Variants in SPMIP2 observed in about 807,000 individuals in gnomAD.
SPMIP2 encodes protein SPMIP2.
chr4:158,954,181 A>G, the SPMIP2 span, among the ~76,000 whole-genome samples: 2 of 152,246 alleles, frequency 1.3e-5, no homozygotes, highest in East Asian at 3.9e-4. Context: ...GTACTCCCAT[A>G]ATTCCCATGT....
At chr4:158,985,871 A>G in the SPMIP2 span, among the ~76,000 whole-genome samples, 1 of 152,048 alleles carries the variant, frequency 6.6e-6, no homozygotes. Context: ...ACTTGATTGT[A>G]TATCTAGAAA....
chr4:159,014,816 T>TAA, the SPMIP2 span, among the ~76,000 whole-genome samples: 2 of 144,522 alleles, frequency 1.4e-5, no homozygotes, highest in African/African-American at 5.1e-5. Context: ...GCTGACGAGC[T>TAA]AAAAAAAAAA....
chr4:159,042,006 A>G, the SPMIP2 span, among the ~76,000 whole-genome samples: 814 of 152,320 alleles, frequency 5.3e-3, 4 homozygotes, highest in African/African-American at 0.018. Flanking sequence ...TCTAAATTTG[A>G]TCTTCAACAA....
the SPMIP2 span, among the ~76,000 whole-genome samples, chr4:159,011,101 C>T: frequency 6.6e-5 from 10 of 152,194 alleles, no homozygotes; most frequent in African/African-American, 2.2e-4. Context: ...TACCTCAAAG[C>T]TTGAAACTAG....
chr4:158,943,932 C>T, the SPMIP2 span, among the ~76,000 whole-genome samples: 24 of 141,538 alleles, frequency 1.7e-4, no homozygotes, highest in African/African-American at 5.0e-4. Flanking sequence ...CTCGGCTCAC[C>T]GCAACCTCCA....
At chr4:159,056,747 G>A in the SPMIP2 span, among the ~76,000 whole-genome samples, 1 of 152,172 alleles carries the variant, frequency 6.6e-6, no homozygotes. Context: ...AAAATAGAAT[G>A]AGCAGAGGTA....
At chr4:159,000,600 T>C in the SPMIP2 span, among the ~76,000 whole-genome samples, 2 of 151,722 alleles carry the variant, frequency 1.3e-5, no homozygotes, top group South Asian at 4.2e-4. Context: ...ATTCAAGTAT[T>C]CTCCTGCCTC....
chr4:159,066,520 ATATG>A, the SPMIP2 span, among the ~76,000 whole-genome samples: 3 of 151,594 alleles, frequency 2.0e-5, no homozygotes, highest in South Asian at 2.1e-4. Flanking sequence ...GTGTGTGTAT[ATATG>A]TATGTATGTA....
the SPMIP2 span, among the ~76,000 whole-genome samples, chr4:159,014,517 T>A: frequency 6.6e-6 from 1 of 152,184 alleles, no homozygotes; most frequent in Non-Finnish European, 1.5e-5. Context: ...AAACAAATTT[T>A]TTTTTTATTA....
the SPMIP2 span, among the ~76,000 whole-genome samples, chr4:158,911,109 C>T: frequency 6.6e-6 from 1 of 152,112 alleles, no homozygotes; most frequent in Admixed American, 6.6e-5. Context: ...ATAGATGTCA[C>T]GTAGTCTCTG....
At chr4:159,033,845 GAA>G in the SPMIP2 span, among the ~76,000 whole-genome samples, 13 of 151,856 alleles carry the variant, frequency 8.6e-5, no homozygotes, top group South Asian at 6.3e-4. Flanking sequence ...TCACACTTTG[GAA>G]AAAAAGAAAA....
At chr4:158,973,431 C>A in the SPMIP2 span, 2 of 543,338 alleles carry the variant, frequency 3.7e-6, no homozygotes, top group African/African-American at 1.9e-5. Flanking sequence ...GTTCTAGGTT[C>A]TATTATAAGC....
the SPMIP2 span, among the ~76,000 whole-genome samples, chr4:159,030,678 G>A: frequency 6.6e-6 from 1 of 151,988 alleles, no homozygotes; most frequent in South Asian, 2.1e-4. Flanking sequence ...TGTATTTTTA[G>A]TAGAGATGGG....
At chr4:158,971,293 G>A in the SPMIP2 span, among the ~76,000 whole-genome samples, 5 of 152,072 alleles carry the variant, frequency 3.3e-5, no homozygotes, top group Non-Finnish European at 7.4e-5. Flanking sequence ...CTTGCTTTGG[G>A]GCTGGACTTT....
the SPMIP2 span, among the ~76,000 whole-genome samples, chr4:159,012,450 C>T: frequency 6.6e-6 from 1 of 152,208 alleles, no homozygotes; most frequent in African/African-American, 2.4e-5. Context: ...GATACCTTCA[C>T]AGCACCCAGA....
chr4:159,043,171 C>T, the SPMIP2 span, among the ~76,000 whole-genome samples: 18 of 152,094 alleles, frequency 1.2e-4, no homozygotes, highest in African/African-American at 3.1e-4. Context: ...AAACATGTTT[C>T]GAGTTATTTT....
At chr4:158,916,109 G>T in the SPMIP2 span, among the ~76,000 whole-genome samples, 1 of 152,132 alleles carries the variant, frequency 6.6e-6, no homozygotes, top group Admixed American at 6.5e-5. Context: ...ATGATTTGTG[G>T]GAGATTTGCA....
the SPMIP2 span, among the ~76,000 whole-genome samples, chr4:158,914,593 T>C: frequency 6.6e-6 from 1 of 152,228 alleles, no homozygotes; most frequent in Non-Finnish European, 1.5e-5. Flanking sequence ...AGAAAGCTAT[T>C]ATTGGCGTAT....
At chr4:159,027,076 T>C in the SPMIP2 span, among the ~76,000 whole-genome samples, 2 of 151,760 alleles carry the variant, frequency 1.3e-5, no homozygotes, top group Non-Finnish European at 2.9e-5. Context: ...TGATTTGGAG[T>C]TGCTGTCACC....
Sources: gnomAD v4.1 joint callset for allele counts (sites outside exome capture counted in the v4.1 genomes callset) on GRCh38, gnomAD v4.1.1 for gene constraint, MANE v1.5 for transcripts, NCBI Gene and HGNC (gene_info 2026-07-23, HGNC 2026-07-21) for gene names.